NUP93: variants seen among roughly 807,000 people sequenced by gnomAD.
NUP93 encodes nuclear pore complex protein Nup93.
Under a neutral mutation model 107.8 loss-of-function variants are expected in NUP93, and 55 were observed. The ratio of observed to expected loss-of-function variants is 0.51; its 90% CI spans 0.41 to 0.64. The LOEUF (loss-of-function observed/expected upper bound fraction) is 0.64, where lower values mean the gene tolerates loss of function less well. Among genes scored for constraint, NUP93 ranks in the 30% least tolerant of loss-of-function variants. The pLI, the probability that NUP93 is intolerant of heterozygous loss-of-function variation, is 0.00. For missense variants in NUP93, 937 were observed against 1,044.7 expected, an observed-to-expected ratio of 0.90 and a Z score of 1.42; for synonymous variants, 390 against 397.5, an observed-to-expected ratio of 0.98 and a Z score of 0.22.
chr16:56,838,178 G>A (rs890486563), intron 18 of NUP93, among the ~76,000 whole-genome samples: 7 of 152,164 alleles, frequency 4.6e-5, no homozygotes, highest in Non-Finnish European at 7.4e-5. Flanking sequence ...ACTAGTTTAA[G>A]TCCCAGGCTG....
intron 7 of NUP93, among the ~76,000 whole-genome samples, chr16:56,823,006 C>T (rs1963580243): frequency 6.6e-6 from 1 of 152,156 alleles, no homozygotes; most frequent in Non-Finnish European, 1.5e-5. Context: ...TGCAAGGACT[C>T]ATACATTTAA....
chr16:56,742,189 C>T (rs1961750137), intron 1 of NUP93, among the ~76,000 whole-genome samples: 2 of 152,226 alleles, frequency 1.3e-5, no homozygotes, highest in Admixed American at 6.5e-5. Flanking sequence ...CAAATATGCT[C>T]TCCAAATGAA....
intron 16 of NUP93, 39 bp from the exon 17 acceptor site, chr16:56,836,562 G>T (rs112276608): frequency 1.6e-6 from 2 of 1,213,364 alleles, no homozygotes; most frequent in African/African-American, 1.5e-5. Flanking sequence ...CTGTGCACCC[G>T]TCTCTCTCTT....
chr16:56,758,719 T>C (rs1485019696), intron 3 of NUP93, 64 bp downstream of exon 3: 4 of 1,072,252 alleles, frequency 3.7e-6, no homozygotes, highest in East Asian at 2.4e-5. Context: ...CCCTGGCCCT[T>C]TATTAACTAG....
chr16:56,767,806 A>G (rs1435104604), intron 3 of NUP93, among the ~76,000 whole-genome samples: 1 of 152,212 alleles, frequency 6.6e-6, no homozygotes, highest in Non-Finnish European at 1.5e-5. Flanking sequence ...GTTTATGGGC[A>G]TTTACAGGAT....
chr16:56,801,652 A>G (rs556832693), intron 4 of NUP93, among the ~76,000 whole-genome samples: 2 of 152,240 alleles, frequency 1.3e-5, no homozygotes, highest in East Asian at 1.9e-4. Context: ...ACCTCAAGCA[A>G]TTTGCCCGCC....
chr16:56,802,723 T>TA (rs1281732129), intron 4 of NUP93, among the ~76,000 whole-genome samples: 25 of 152,364 alleles, frequency 1.6e-4, no homozygotes, highest in African/African-American at 6.0e-4. Flanking sequence ...ATATCAATAT[T>TA]ATCAGTATAA....
In NUP93 at chr16:56,833,243, A is replaced by C. The variant is rs1596856039; in HGVS notation, c.1374A>C (p.Gln458His). ...YGESHFTVNQ[Q>H]PFLYFQVLFL... ...AGTCCCACTTTACGGTGAACCAGCA[A>C]CCCTTCCTCTACTTCCAAGTCCTGT... Residue 458 changes from glutamine (Q) to histidine (H), a missense_variant, in exon 13 of 22, where the codon CAA becomes CAC. Physicochemically the swap from Gln to His is conservative, Grantham distance 24. Coordinates refer to ENST00000308159, the MANE Select transcript of NUP93 (RefSeq NM_014669.5). 4 of 1,602,456 alleles carry C rather than the reference A, an allele frequency of 2.5e-6. No homozygotes were observed. Among genetic ancestry groups the C allele is most frequent in the Non-Finnish European group, 3.4e-6 (4 of 1,176,036 alleles).
At chr16:56,837,509 C>A in intron 17 of NUP93, 99 bp from the exon 18 acceptor site, 1 of 942,142 alleles carries the variant, frequency 1.1e-6, no homozygotes, top group Non-Finnish European at 1.6e-6. Flanking sequence ...AAAAATGTCA[C>A]CCCAGAAAGT....
chr16:56,783,934 G>A (rs1164888566), intron 3 of NUP93: 1 of 956,020 alleles, frequency 1.0e-6, no homozygotes, highest in South Asian at 4.8e-5. Flanking sequence ...GGTTGAATAT[G>A]CAAAATAGAC....
At chr16:56,804,767 G>T (rs545560921) in intron 4 of NUP93, among the ~76,000 whole-genome samples, 1 of 151,934 alleles carries the variant, frequency 6.6e-6, no homozygotes. Context: ...TTAGCTAGGC[G>T]TGGTGGTGGG....
At chr16:56,778,924 C>T (rs1286554025) in intron 3 of NUP93, among the ~76,000 whole-genome samples, 1 of 152,084 alleles carries the variant, frequency 6.6e-6, no homozygotes, top group Non-Finnish European at 1.5e-5. Flanking sequence ...TAGCAGGAGG[C>T]AAAGGGCCAA....
intron 19 of NUP93, 110 bp from the exon 20 acceptor site, chr16:56,839,411 G>A (rs540678126): frequency 5.2e-6 from 4 of 764,634 alleles, no homozygotes; most frequent in South Asian, 2.1e-5. Context: ...GAGGAATGGC[G>A]TTTTCTATGA....
rs755422278 is a variant in NUP93, at chr16:56,818,661, C to T, written c.490-3C>T. On this transcript the variant is annotated splice_region_variant and splice_polypyrimidine_tract_variant and intron_variant, in intron 5 of 21. Coordinates refer to ENST00000308159, the MANE Select transcript of NUP93 (RefSeq NM_014669.5). ...CTGATTCTGAATGTGTATTTATCCA[C>T]AGCCAAGCTACATCAGTGATGTGGG... The T allele has an allele frequency of 2.4e-5, 39 of 1,613,324 alleles. No homozygotes were observed. Among genetic ancestry groups the T allele is most frequent in the Non-Finnish European group, 3.1e-5 (36 of 1,179,404 alleles).
At chr16:56,776,783 A>G (rs1962423478) in intron 3 of NUP93, among the ~76,000 whole-genome samples, 1 of 152,204 alleles carries the variant, frequency 6.6e-6, no homozygotes, top group South Asian at 2.1e-4. Flanking sequence ...TCTCTCTGTA[A>G]GGAAACAAGA....
chr16:56,824,541 A>G (rs1963617876), intron 8 of NUP93, among the ~76,000 whole-genome samples: 2 of 152,224 alleles, frequency 1.3e-5, no homozygotes, highest in South Asian at 2.1e-4. Context: ...TTTTAGAGAC[A>G]GGGTGCTGGG....
At chr16:56,814,445 C>T (rs1394091748) in intron 5 of NUP93, among the ~76,000 whole-genome samples, 4 of 152,216 alleles carry the variant, frequency 2.6e-5, no homozygotes, top group African/African-American at 9.7e-5. Context: ...CTGCCTCAGC[C>T]TCCCAAAGTG....
intron 3 of NUP93, among the ~76,000 whole-genome samples, chr16:56,760,962 A>G (rs1420107827): frequency 6.7e-6 from 1 of 150,266 alleles, no homozygotes. Context: ...CTGTCTCAAA[A>G]AAAACCAAAA....
chr16:56,811,601 G>C (rs963415442), intron 5 of NUP93, among the ~76,000 whole-genome samples: 2 of 151,978 alleles, frequency 1.3e-5, no homozygotes, highest in Non-Finnish European at 2.9e-5. Context: ...CTCCCGAATA[G>C]CTGGGATTAC....
Sources: allele counts gnomAD v4.1 joint callset (sites outside exome capture counted in the v4.1 genomes callset), GRCh38; gene constraint gnomAD v4.1.1; transcripts MANE v1.5; gene names NCBI Gene and HGNC (gene_info 2026-07-23, HGNC 2026-07-21).